Variants in SLC35F4 observed in about 807,000 individuals in gnomAD.
SLC35F4 encodes solute carrier family 35 member F4, also known as chromosome 14 open reading frame 36.
Under a neutral mutation model 44.2 loss-of-function variants are expected in SLC35F4, and 24 were observed. The observed-to-expected ratio is 0.54, with a 90% CI of 0.39 to 0.76. The LOEUF (loss-of-function observed/expected upper bound fraction) is 0.76, where lower values mean the gene tolerates loss of function less well. SLC35F4 is among the 30% of genes least tolerant of loss of function. SLC35F4 has a pLI of 0.00. For missense variants in SLC35F4, 562 were observed against 586.1 expected (o/e 0.96, Z 0.42); for synonymous variants, 238 against 223.6 (o/e 1.06, Z -0.57).
At chr14:57,816,464 G>A (rs1361372692) in intron 1 of SLC35F4, among the ~76,000 whole-genome samples, 1 of 42,908 alleles carries the variant, frequency 2.3e-5, no homozygotes, top group Non-Finnish European at 4.3e-5. Flanking sequence ...CTGATTTGGG[G>A]TTCATCAACC....
chr14:57,597,791 A>T (rs2139955122), intron 1 of SLC35F4, among the ~76,000 whole-genome samples: 1 of 152,318 alleles, frequency 6.6e-6, no homozygotes, highest in East Asian at 1.9e-4. Context: ...TATTAAGACG[A>T]TCAGCTCTAA....
intron 1 of SLC35F4, among the ~76,000 whole-genome samples, chr14:57,980,418 G>A (rs942425236): frequency 3.9e-5 from 6 of 152,140 alleles, no homozygotes; most frequent in African/African-American, 1.2e-4. Flanking sequence ...GGGTCCTGCC[G>A]AGGAAGGCTG....
intron 1 of SLC35F4, among the ~76,000 whole-genome samples, chr14:57,753,952 T>C (rs942720371): frequency 6.6e-6 from 1 of 152,120 alleles, no homozygotes; most frequent in Non-Finnish European, 1.5e-5. Flanking sequence ...TGGGACTGGC[T>C]CATGGGCAGC....
At chr14:57,931,284 A>T (rs190430827) in intron 1 of SLC35F4, among the ~76,000 whole-genome samples, 2 of 152,334 alleles carry the variant, frequency 1.3e-5, no homozygotes, top group Non-Finnish European at 2.9e-5. Context: ...CTAGAAAAAT[A>T]ATTTTCCAGT....
Position 57,936,114 on chromosome 14 carries a change from T to C in SLC35F4, n.282+45799A>G, listed in dbSNP as rs138527422. On this transcript the variant is annotated intron_variant and non_coding_transcript_variant, in intron 1 of 1. Coordinates refer to the SLC35F4 transcript ENST00000556568. Reference sequence around the variant, plus strand: ...TTTAAAATTTCATACAAAATAGATATTCTCCAAGGAATGCTCAGCATATGC... The same window carrying C: ...TTTAAAATTTCATACAAAATAGATACTCTCCAAGGAATGCTCAGCATATGC... Among the ~76,000 whole-genome samples, 71 of 152,366 alleles carry C rather than the reference T, an allele frequency of 4.7e-4. 1 individual carries two copies. The highest frequency in any genetic ancestry group is 3.0e-3 in the Admixed American group (46 of 15,304).
chr14:57,618,471 G>T (rs2071984273), intron 1 of SLC35F4, among the ~76,000 whole-genome samples: 1 of 152,164 alleles, frequency 6.6e-6, no homozygotes, highest in African/African-American at 2.4e-5. Flanking sequence ...GGGAAGCCGG[G>T]AGGAACTGTA....
chr14:57,569,300 A>G (rs1425782162), intron 6 of SLC35F4, among the ~76,000 whole-genome samples: 1 of 152,108 alleles, frequency 6.6e-6, no homozygotes, highest in Non-Finnish European at 1.5e-5. Flanking sequence ...AAACACCTCA[A>G]AATGGCTTTC....
chr14:57,905,392 A>G (rs1331487600), intron 1 of SLC35F4, among the ~76,000 whole-genome samples: 3 of 152,194 alleles, frequency 2.0e-5, no homozygotes, highest in Non-Finnish European at 4.4e-5. Flanking sequence ...TATTTCTATC[A>G]GTCATAAAGG....
At chr14:57,823,714 T>C (rs759764748) in intron 1 of SLC35F4, among the ~76,000 whole-genome samples, 1 of 152,224 alleles carries the variant, frequency 6.6e-6, no homozygotes, top group Non-Finnish European at 1.5e-5. Context: ...GATAGGTGTT[T>C]ATTACATAGA....
At chr14:57,709,786 C>G (rs1018853736) in intron 1 of SLC35F4, among the ~76,000 whole-genome samples, 1 of 152,098 alleles carries the variant, frequency 6.6e-6, no homozygotes, top group Non-Finnish European at 1.5e-5. Flanking sequence ...AATTTCTAAG[C>G]AGTAAAGCAT....
intron 1 of SLC35F4, among the ~76,000 whole-genome samples, chr14:57,599,392 T>C (rs764647987): frequency 4.6e-5 from 7 of 152,210 alleles, no homozygotes; most frequent in Non-Finnish European, 7.3e-5. Context: ...TGCAGTTGGG[T>C]AACCTATAGT....
chr14:57,717,530 G>A (rs2075974670), intron 1 of SLC35F4, among the ~76,000 whole-genome samples: 1 of 152,168 alleles, frequency 6.6e-6, no homozygotes, highest in Non-Finnish European at 1.5e-5. Flanking sequence ...CAGCTACTCG[G>A]GAGGCTGAGG....
intron 1 of SLC35F4, among the ~76,000 whole-genome samples, chr14:57,762,967 GAA>G (rs1035223587): frequency 1.3e-5 from 2 of 152,090 alleles, no homozygotes; most frequent in African/African-American, 4.8e-5. Context: ...TTATCTAAAA[GAA>G]AAGAGAGCCC....
rs186784552 is a variant in SLC35F4, at chr14:57,925,845, C to G, written n.282+56068G>C. On this transcript the variant is annotated intron_variant and non_coding_transcript_variant, in intron 1 of 1. Transcript: ENST00000556568. The stretch of plus-strand genomic sequence containing the variant: ...AATTTGTATTCACAAAGTGTTCACT[C>G]TTGTCACCACCATCTCTTCTTCCTC... Among the ~76,000 whole-genome samples, 501 of 152,288 alleles carry G rather than the reference C, an allele frequency of 3.3e-3. 3 individuals are homozygous for G. The highest frequency in any genetic ancestry group is 0.011 in the African/African-American group (456 of 41,556).
chr14:57,951,581 C>T (rs1003304473), intron 1 of SLC35F4, among the ~76,000 whole-genome samples: 3 of 152,178 alleles, frequency 2.0e-5, no homozygotes, highest in African/African-American at 7.2e-5. Context: ...CGACCTGGTA[C>T]ATTTGAGCTT....
At chr14:57,845,121 T>C (rs1173908195) in intron 1 of SLC35F4, among the ~76,000 whole-genome samples, 2 of 152,114 alleles carry the variant, frequency 1.3e-5, no homozygotes, top group East Asian at 1.9e-4. Flanking sequence ...AAAAACAAAG[T>C]GAAAGTTTAT....
intron 1 of SLC35F4, among the ~76,000 whole-genome samples, chr14:57,737,112 GTGTGTGTGTGTGCA>G (rs1459089979): frequency 2.1e-3 from 312 of 151,894 alleles, no homozygotes; most frequent in African/African-American, 7.3e-3. Context: ...GTGTGTGTGT[GTGTGTGTGTGTGCA>G]TGTGTGTGTG....
chr14:57,605,397 A>G (rs1410840014), intron 1 of SLC35F4, among the ~76,000 whole-genome samples: 2 of 152,192 alleles, frequency 1.3e-5, no homozygotes, highest in African/African-American at 2.4e-5. Context: ...AATCAAAACC[A>G]CAGTGACATA....
chr14:57,752,328 T>G (rs1479367953), intron 1 of SLC35F4, among the ~76,000 whole-genome samples: 2 of 152,172 alleles, frequency 1.3e-5, no homozygotes, highest in African/African-American at 4.8e-5. Flanking sequence ...GAGGACTCCT[T>G]AACCTTATTA....
Sources: gnomAD v4.1 joint callset for allele counts (sites outside exome capture counted in the v4.1 genomes callset) on GRCh38, gnomAD v4.1.1 for gene constraint, MANE v1.5 for transcripts, NCBI Gene and HGNC (gene_info 2026-07-23, HGNC 2026-07-21) for gene names.